The following CSNK1G3 variants were observed in gnomAD, a reference collection of about 807,000 sequenced individuals.
CSNK1G3 encodes the protein casein kinase I isoform gamma-3.
In CSNK1G3, 23 loss-of-function variants were observed where a neutral mutation model predicts 64.3. The observed-to-expected ratio is 0.36, with a 90% CI of 0.26 to 0.51. CSNK1G3 has a LOEUF of 0.51. CSNK1G3 is among the 20% of genes least tolerant of loss of function. The pLI, the probability that CSNK1G3 is intolerant of heterozygous loss-of-function variation, is 0.96. For synonymous variants in CSNK1G3, 158 were observed against 162.2 expected, an observed-to-expected ratio of 0.97 and a Z score of 0.20; for missense variants, 357 against 510.5, an observed-to-expected ratio of 0.70 and a Z score of 2.90.
At chr5:123,588,383 T>G (rs1274348899) in intron 7 of CSNK1G3, 44 bp from the exon 8 acceptor site, 6 of 1,478,802 alleles carry the variant, frequency 4.1e-6, no homozygotes, top group Non-Finnish European at 5.7e-6. Context: ...AGCTAAATAA[T>G]TTTTAAATTA....
intron 4 of CSNK1G3, among the ~76,000 whole-genome samples, chr5:123,567,102 G>T (rs185395435): frequency 2.6e-4 from 39 of 152,282 alleles, no homozygotes; most frequent in African/African-American, 9.4e-4. Context: ...ACAAGAGCTT[G>T]TGCAGGCAAA....
chr5:123,586,079 A>G (rs7710618), intron 6 of CSNK1G3, among the ~76,000 whole-genome samples: 91,347 of 152,068 alleles, frequency 0.6, 28,597 homozygotes, highest in African/African-American at 0.78. Flanking sequence ...ACATTGTAAT[A>G]TACTACTCAG....
At chr5:123,566,209 A>G (rs931688231) in intron 4 of CSNK1G3, among the ~76,000 whole-genome samples, 3 of 152,216 alleles carry the variant, frequency 2.0e-5, no homozygotes, top group Admixed American at 1.3e-4. Flanking sequence ...GGGAATACCA[A>G]CATATAAAAT....
chr5:123,549,660 T>C (rs988155925), intron 2 of CSNK1G3, among the ~76,000 whole-genome samples: 1 of 152,194 alleles, frequency 6.6e-6, no homozygotes, highest in African/African-American at 2.4e-5. Context: ...CTCCGCTTGC[T>C]CTTGTTTTTC....
chr5:123,602,472 G>T (rs1328461136), intron 10 of CSNK1G3, among the ~76,000 whole-genome samples: 1 of 152,110 alleles, frequency 6.6e-6, no homozygotes, highest in Non-Finnish European at 1.5e-5. Flanking sequence ...GAAATATGAG[G>T]TACTATAAAT....
At chr5:123,529,279 C>T (rs760602571) in intron 1 of CSNK1G3, among the ~76,000 whole-genome samples, 12 of 152,098 alleles carry the variant, frequency 7.9e-5, no homozygotes, top group Non-Finnish European at 1.6e-4. Flanking sequence ...ATCTTGTGAC[C>T]AGAGGCTGGC....
intron 1 of CSNK1G3, among the ~76,000 whole-genome samples, chr5:123,540,515 A>G (rs1234978982): frequency 1.3e-5 from 2 of 151,140 alleles, no homozygotes; most frequent in Non-Finnish European, 2.9e-5. Context: ...TGCAAATTAG[A>G]TTTTTTTCTA....
Position 123,595,022 on chromosome 5 carries a change from C to T in CSNK1G3, c.1086+3608C>T. The T allele has an allele frequency of 5.6e-6, 9 of 1,606,852 alleles. No homozygotes were observed. The highest frequency in any genetic ancestry group is 6.8e-6 in the Non-Finnish European group (8 of 1,173,904). On this transcript the variant is annotated intron_variant, in intron 10 of 12. Coordinates refer to ENST00000345990, the Ensembl canonical transcript of CSNK1G3. ...TTTCTTCTTCCATGCATGCCATATG[C>T]ATTAAATAAATGGCAGTCGGCAGAC...
intron 1 of CSNK1G3, among the ~76,000 whole-genome samples, chr5:123,530,888 A>G (rs1291161890): frequency 6.6e-6 from 1 of 152,176 alleles, no homozygotes; most frequent in African/African-American, 2.4e-5. Context: ...TTCTTTTCTT[A>G]GACAACCACA....
intron 4 of CSNK1G3, among the ~76,000 whole-genome samples, chr5:123,568,945 A>C (rs766492372): frequency 6.6e-6 from 1 of 152,262 alleles, no homozygotes; most frequent in Non-Finnish European, 1.5e-5. Flanking sequence ...AGAAACATGC[A>C]TTAAAATGAT....
chr5:123,570,365 T>TC lies in CSNK1G3; in HGVS notation c.290-3027dup, dbSNP rs1371241198. 2.3e-3 allele frequency among the ~76,000 whole-genome samples: 294 copies of TC among 130,054 alleles called. 2 individuals carry two copies. Among genetic ancestry groups the TC allele is most frequent in the African/African-American group, 8.2e-3 (274 of 33,414 alleles). The allele number at this position is 130,054 out of a possible 152,430, so 85.3% of individuals were successfully genotyped here. On this transcript the variant is annotated intron_variant, in intron 4 of 12. Coordinates refer to ENST00000345990, the Ensembl canonical transcript of CSNK1G3. ...TCCTTTCTTTTTTTTTTTTTTTTTT[T>TC]CTTTTTGAAACAGAGTCTTGCTGTG...
intron 10 of CSNK1G3, among the ~76,000 whole-genome samples, chr5:123,596,629 C>T (rs1056501012): frequency 2.6e-5 from 4 of 152,054 alleles, no homozygotes; most frequent in African/African-American, 4.8e-5. Context: ...CACTACTTCA[C>T]GTTTATTGTT....
intron 4 of CSNK1G3, among the ~76,000 whole-genome samples, chr5:123,559,305 G>A (rs1321566467): frequency 1.3e-5 from 2 of 152,096 alleles, no homozygotes; most frequent in Non-Finnish European, 2.9e-5. Context: ...TCATTTGGAA[G>A]AATAGGATTG....
At chr5:123,539,766 A>C (rs1163017621) in intron 1 of CSNK1G3, among the ~76,000 whole-genome samples, 2 of 152,142 alleles carry the variant, frequency 1.3e-5, no homozygotes, top group Non-Finnish European at 2.9e-5. Context: ...ATTTGATAAA[A>C]TTTGCCAGTG....
chr5:123,571,000 G>A (rs1581192994), intron 4 of CSNK1G3, among the ~76,000 whole-genome samples: 1 of 152,158 alleles, frequency 6.6e-6, no homozygotes, highest in Admixed American at 6.5e-5. Flanking sequence ...AACTTAACAA[G>A]CCTCTCATTC....
intron 1 of CSNK1G3, among the ~76,000 whole-genome samples, chr5:123,526,724 A>G (rs1009402141): frequency 2.6e-5 from 4 of 152,148 alleles, no homozygotes; most frequent in African/African-American, 9.7e-5. Context: ...AGAATCATCT[A>G]TATTGTAGCG....
At chr5:123,540,175 T>TA (rs1781455136) in intron 1 of CSNK1G3, among the ~76,000 whole-genome samples, 1 of 152,180 alleles carries the variant, frequency 6.6e-6, no homozygotes, top group Admixed American at 6.5e-5. Flanking sequence ...TCTTCTGCTT[T>TA]ATCCAGTTTG....
rs1387006397 is a variant in CSNK1G3, at chr5:123,544,889, C to T, written c.-247-528C>T. On this transcript the variant is annotated intron_variant, in intron 1 of 12. Transcript: ENST00000345990. ...GTGGGAAGAATGTTCTTGATATTGTCAGTTCTATGCTCCAATCCCATGTGT... is the reference window on the plus strand; with the variant it reads ...GTGGGAAGAATGTTCTTGATATTGTTAGTTCTATGCTCCAATCCCATGTGT... 3.9e-5 allele frequency among the ~76,000 whole-genome samples: 6 copies of T among 151,962 alleles called. No individual in the cohort carries two copies. In the East Asian group the frequency reaches 1.2e-3, roughly 29 times the overall value.
intron 3 of CSNK1G3, among the ~76,000 whole-genome samples, chr5:123,554,352 C>T (rs1438167807): frequency 1.3e-5 from 2 of 152,138 alleles, no homozygotes; most frequent in African/African-American, 2.4e-5. Context: ...GAGGTGGATT[C>T]ACAGTAATCA....
Sources: gnomAD v4.1 joint callset for allele counts (sites outside exome capture counted in the v4.1 genomes callset) on GRCh38, gnomAD v4.1.1 for gene constraint, MANE v1.5 for transcripts, NCBI Gene and HGNC (gene_info 2026-07-23, HGNC 2026-07-21) for gene names.